The following NEK5 variants were observed in gnomAD, a reference collection of about 807,000 sequenced individuals.
The protein encoded by NEK5 is serine/threonine-protein kinase Nek5.
Under a neutral mutation model 109.2 loss-of-function variants are expected in NEK5, and 88 were observed. The ratio of observed to expected loss-of-function variants is 0.81; its 90% CI spans 0.68 to 0.96. The LOEUF (loss-of-function observed/expected upper bound fraction) is 0.96. Among genes scored for constraint, NEK5 ranks in the 40% least tolerant of loss-of-function variants. The pLI, the probability that NEK5 is intolerant of heterozygous loss-of-function variation, is 0.00. For missense variants in NEK5, 834 were observed against 920.7 expected, an observed-to-expected ratio of 0.91 and a Z score of 1.22; for synonymous variants, 283 against 299.9, an observed-to-expected ratio of 0.94 and a Z score of 0.58.
rs1566801271 is a variant in NEK5 at position 52,102,033 on chromosome 13, G to A, written c.811-19C>T. Reference sequence around the variant, plus strand: ...GAATGACCTAAAACCGAACACACGTGTCAAGGACCTGCAACCCAAAATCTC... The same window carrying A: ...GAATGACCTAAAACCGAACACACGTATCAAGGACCTGCAACCCAAAATCTC... On this transcript the variant is annotated intron_variant, in intron 10 of 23. Coordinates refer to ENST00000684899, the MANE Select transcript of NEK5 (RefSeq NM_001365552.1). 3 of 1,612,690 alleles carry A rather than the reference G, an allele frequency of 1.9e-6. No individual in the cohort carries two copies. The highest frequency in any genetic ancestry group is 2.7e-5 in the African/African-American group (2 of 74,886).
In NEK5 at chr13:52,127,510, A is replaced by G. The variant is rs755128207; in HGVS notation, c.-22-6T>C. On this transcript the variant is annotated splice_polypyrimidine_tract_variant and splice_region_variant and intron_variant, in intron 2 of 23. Coordinates refer to ENST00000684899, the MANE Select transcript of NEK5 (RefSeq NM_001365552.1). ...TCTCCAATGGGCTGAGTTTCCTGGA[A>G]TTAGAGTAATGTAAATTTATCACAC... 1.5e-5 allele frequency: 17 copies of G among 1,161,664 alleles called. No homozygotes were observed. The highest frequency in any genetic ancestry group is 2.1e-5 in the Non-Finnish European group (16 of 771,438). The allele number at this position is 1,161,664 out of a possible 1,614,324, so 72.0% of individuals were successfully genotyped here. A position where few individuals can be genotyped will look rare whatever the true frequency, so the allele number is the denominator to read the frequency against.
intron 11 of NEK5, among the ~76,000 whole-genome samples, chr13:52,101,711 G>C (rs1193909039): frequency 6.6e-6 from 1 of 152,130 alleles, no homozygotes; most frequent in Non-Finnish European, 1.5e-5. Flanking sequence ...GAGGTTTCCT[G>C]ACTAACGAGA....
In NEK5 at chr13:52,075,930, C is replaced by T. The variant is rs11838763; in HGVS notation, c.1654-104G>A. 66 of 910,238 alleles carry T rather than the reference C, an allele frequency of 7.3e-5. 1 individual carries two copies. The African/African-American group carries it at 7.9e-4, about 11-fold the overall frequency. 56.4% of individuals were successfully genotyped at this position (910,238 alleles called of 1,614,324 possible). The stretch of plus-strand genomic sequence containing the variant: ...GTTTGACATTATAGATTCTTAAAAC[C>T]ATTGGTCTCATATCACAAAATAGAG... On this transcript the variant is annotated intron_variant, in intron 18 of 23. Transcript: ENST00000684899.
intron 22 of NEK5, among the ~76,000 whole-genome samples, chr13:52,050,632 T>G (rs1314487978): frequency 2.7e-5 from 4 of 150,172 alleles, no homozygotes; most frequent in Non-Finnish European, 5.9e-5. Context: ...TTTTTGCAGT[T>G]TTTTTTTTTA....
chr13:52,041,721 T>A (rs1174601853), intron 23 of NEK5, among the ~76,000 whole-genome samples: 2 of 85,738 alleles, frequency 2.3e-5, no homozygotes, highest in Non-Finnish European at 2.1e-5. Context: ...AGAGCGAAAC[T>A]CTGTCTCAAA....
At chr13:52,106,815 A>AT (rs1243993495) in intron 8 of NEK5, among the ~76,000 whole-genome samples, 1 of 152,068 alleles carries the variant, frequency 6.6e-6, no homozygotes. Flanking sequence ...TATCACATAC[A>AT]TAAAAACTAA....
intron 21 of NEK5, among the ~76,000 whole-genome samples, chr13:52,062,795 T>C (rs1430219882): frequency 6.6e-6 from 1 of 152,126 alleles, no homozygotes; most frequent in Admixed American, 6.5e-5. Flanking sequence ...GAAAACATAA[T>C]CATATCCTAA....
chr13:52,112,444 G>A (rs1955776696), intron 4 of NEK5, 79 bp from the exon 5 acceptor site: 1 of 932,370 alleles, frequency 1.1e-6, no homozygotes, highest in African/African-American at 1.6e-5. Context: ...AATCAAGATG[G>A]ACTGGGTTCT....
In NEK5 at chr13:52,124,479, T is replaced by C. The variant is rs113573124; in HGVS notation, c.117+2887A>G. Among the ~76,000 whole-genome samples, 151 of 152,350 alleles carry C rather than the reference T, an allele frequency of 9.9e-4. 1 individual carries two copies. In the Middle Eastern group the frequency reaches 0.014, roughly 14 times the overall value. On this transcript the variant is annotated intron_variant, in intron 3 of 23. Transcript: ENST00000684899. ...CATTGAAATTTTCCCATGTCAATGC[T>C]TCACCTACAACATGATTGCTAATAG... is the stretch of plus-strand genomic sequence containing the variant.
At chr13:52,067,079 T>C (rs935188736) in intron 20 of NEK5, among the ~76,000 whole-genome samples, 12 of 152,194 alleles carry the variant, frequency 7.9e-5, no homozygotes, top group Non-Finnish European at 1.2e-4. Context: ...GTTTTAACTA[T>C]TTGGGTGCTA....
intron 22 of NEK5, among the ~76,000 whole-genome samples, chr13:52,057,210 A>C (rs1481294191): frequency 3.9e-5 from 6 of 152,198 alleles, no homozygotes; most frequent in Admixed American, 1.3e-4. Context: ...GACATGGATA[A>C]ATTCCTCGAC....
chr13:52,087,280 C>T (rs545298281), intron 15 of NEK5, 58 bp downstream of exon 15: 2 of 889,094 alleles, frequency 2.2e-6, no homozygotes, highest in South Asian at 2.8e-5. Flanking sequence ...TATTACAGTA[C>T]AAAAGACAGT....
intron 17 of NEK5, among the ~76,000 whole-genome samples, chr13:52,076,657 T>C (rs1230835737): frequency 1.3e-5 from 2 of 152,206 alleles, no homozygotes; most frequent in African/African-American, 4.8e-5. Flanking sequence ...TATTCCCTAA[T>C]ACAAGGGGTT....
At chr13:52,091,116 G>A (rs549459868) in intron 13 of NEK5, among the ~76,000 whole-genome samples, 1 of 152,294 alleles carries the variant, frequency 6.6e-6, no homozygotes, top group Non-Finnish European at 1.5e-5. Context: ...TATACAAAGA[G>A]GAGGGGTTAC....
intron 22 of NEK5, among the ~76,000 whole-genome samples, chr13:52,056,876 T>C (rs1163968723): frequency 6.6e-5 from 10 of 151,610 alleles, no homozygotes; most frequent in East Asian, 5.8e-4. Context: ...CCTAACATCA[T>C]AATTAAAAGA....
chr13:52,101,232 A>T (rs1399519568), intron 11 of NEK5, among the ~76,000 whole-genome samples: 1 of 152,072 alleles, frequency 6.6e-6, no homozygotes, highest in Non-Finnish European at 1.5e-5. Context: ...CCTCGTCTCT[A>T]CTAAAAAAAT....
intron 9 of NEK5, among the ~76,000 whole-genome samples, chr13:52,103,465 C>T (rs1445278701): frequency 6.6e-6 from 1 of 152,144 alleles, no homozygotes; most frequent in Non-Finnish European, 1.5e-5. Context: ...TGGTCAGACA[C>T]TGGCTGTGCA....
At chr13:52,104,660 T>C in intron 8 of NEK5, 108 bp from the exon 9 acceptor site, 1 of 757,946 alleles carries the variant, frequency 1.3e-6, no homozygotes, top group Admixed American at 2.2e-5. Flanking sequence ...TTTATGTAAG[T>C]TGATCAGCTT....
intron 23 of NEK5, among the ~76,000 whole-genome samples, chr13:52,045,810 C>T (rs1368329395): frequency 1.3e-5 from 2 of 148,172 alleles, no homozygotes; most frequent in African/African-American, 5.0e-5. Context: ...CGGTGGCTCA[C>T]GCCTGTAATC....
Sources: allele counts gnomAD v4.1 joint callset (sites outside exome capture counted in the v4.1 genomes callset), GRCh38; gene constraint gnomAD v4.1.1; transcripts MANE v1.5; gene names NCBI Gene and HGNC (gene_info 2026-07-23, HGNC 2026-07-21).